The following NRXN3 variants were observed in gnomAD, a reference collection of about 807,000 sequenced individuals.
NRXN3 encodes the protein neurexin 3.
A neutral mutation model predicts 137.6 loss-of-function variants in NRXN3; 32 were observed. That is an observed-to-expected ratio of 0.23 (90% CI 0.18 to 0.31). The LOEUF (loss-of-function observed/expected upper bound fraction) is 0.31. Ranked by LOEUF, NRXN3 falls within the 10% of genes least tolerant of loss-of-function variation. The pLI is 1.00. For missense variants in NRXN3, 1,574 were observed against 2,062.5 expected (o/e 0.76, Z 4.59); for synonymous variants, 798 against 784.5 (o/e 1.02, Z -0.29).
At chr14:79,459,365 C>A (rs1410227310) in intron 15 of NRXN3, among the ~76,000 whole-genome samples, 29 of 151,902 alleles carry the variant, frequency 1.9e-4, no homozygotes, top group Admixed American at 1.9e-3. Flanking sequence ...CTTTATTTTT[C>A]AGTTTCAGAG....
intron 16 of NRXN3, among the ~76,000 whole-genome samples, chr14:79,515,581 G>A (rs537750927): frequency 7.0e-6 from 1 of 141,860 alleles, no homozygotes; most frequent in South Asian, 2.1e-4. Flanking sequence ...TCTTACATGT[G>A]CATACCCCTT....
chr14:79,496,237 TCA>T (rs1285525964), intron 16 of NRXN3, among the ~76,000 whole-genome samples: 359 of 144,790 alleles, frequency 2.5e-3, no homozygotes, highest in South Asian at 7.2e-3. Context: ...TCTCTCTCTC[TCA>T]CACACACACA....
chr14:78,449,313 A>T (rs2094496494), intron 4 of NRXN3, among the ~76,000 whole-genome samples: 1 of 152,204 alleles, frequency 6.6e-6, no homozygotes, highest in Non-Finnish European at 1.5e-5. Context: ...TTCAGGCTCA[A>T]GTAATTCTCA....
At chr14:79,120,874 A>C (rs1289599419) in intron 15 of NRXN3, among the ~76,000 whole-genome samples, 2 of 152,136 alleles carry the variant, frequency 1.3e-5, no homozygotes, top group African/African-American at 4.8e-5. Flanking sequence ...AGTAGGAGAT[A>C]TTTTGCTTTT....
intron 18 of NRXN3, among the ~76,000 whole-genome samples, chr14:79,694,725 C>G (rs1435588511): frequency 6.6e-6 from 1 of 151,726 alleles, no homozygotes; most frequent in African/African-American, 2.4e-5. Context: ...TTCACTAACC[C>G]CTGTTTATCT....
At chr14:79,678,964 CT>C (rs955622811) in intron 17 of NRXN3, among the ~76,000 whole-genome samples, 2 of 151,968 alleles carry the variant, frequency 1.3e-5, no homozygotes, top group African/African-American at 4.8e-5. Flanking sequence ...ACAATATGTA[CT>C]AGTTTAATTT....
chr14:78,433,427 C>T (rs775207425), intron 4 of NRXN3, among the ~76,000 whole-genome samples: 17 of 151,986 alleles, frequency 1.1e-4, no homozygotes, highest in East Asian at 5.8e-4. Flanking sequence ...CTAGGACTGC[C>T]GTAACAAGCT....
chr14:78,708,438 A>T (rs1004865606), intron 6 of NRXN3: 3 of 152,244 alleles, frequency 2.0e-5, no homozygotes, highest in African/African-American at 7.2e-5. Context: ...TGCAAAAAAT[A>T]AAAACAAAAA....
intron 4 of NRXN3, among the ~76,000 whole-genome samples, chr14:78,384,926 A>G (rs2089719715): frequency 6.6e-6 from 1 of 152,222 alleles, no homozygotes; most frequent in Admixed American, 6.5e-5. Flanking sequence ...CATGTAGCTA[A>G]TTAAGAAATT....
intron 15 of NRXN3, among the ~76,000 whole-genome samples, chr14:79,024,246 A>G (rs912678712): frequency 7.2e-5 from 11 of 152,170 alleles, no homozygotes; most frequent in African/African-American, 1.9e-4. Flanking sequence ...CAGGCCATCA[A>G]TGGGAAGCAT....
At chr14:79,395,726 G>A (rs954978647) in intron 15 of NRXN3, among the ~76,000 whole-genome samples, 4 of 151,154 alleles carry the variant, frequency 2.6e-5, no homozygotes, top group African/African-American at 9.7e-5. Flanking sequence ...GGAGAATGGC[G>A]TGAACCCGGG....
intron 15 of NRXN3, chr14:79,281,636 C>G (rs1345813154): frequency 6.6e-6 from 1 of 152,020 alleles, no homozygotes; most frequent in Non-Finnish European, 1.5e-5. Context: ...GTTGATTGAA[C>G]TGTTATAAAG....
chr14:79,441,489 C>G (rs2095952711), intron 15 of NRXN3, among the ~76,000 whole-genome samples: 1 of 148,538 alleles, frequency 6.7e-6, no homozygotes, highest in South Asian at 2.1e-4. Context: ...ACGCCATTCT[C>G]CTGCCTCAGC....
intron 17 of NRXN3, among the ~76,000 whole-genome samples, chr14:79,690,681 C>A (rs1281411995): frequency 1.3e-5 from 2 of 151,974 alleles, no homozygotes. Flanking sequence ...AATGGGGAAC[C>A]TTGTGAACAT....
chr14:79,471,901 G>A (rs1203307779), intron 16 of NRXN3, among the ~76,000 whole-genome samples: 6 of 152,078 alleles, frequency 3.9e-5, no homozygotes, highest in Admixed American at 3.3e-4. Context: ...AGGTAAACTC[G>A]TGTCATGGGG....
At chr14:79,028,639 A>T (rs573892690) in intron 15 of NRXN3, among the ~76,000 whole-genome samples, 1 of 152,282 alleles carries the variant, frequency 6.6e-6, no homozygotes, top group South Asian at 2.1e-4. Context: ...GAAATGACAG[A>T]TGAGAGAGAA....
intron 20 of NRXN3, among the ~76,000 whole-genome samples, chr14:79,837,027 G>T (rs1203019733): frequency 1.3e-5 from 2 of 152,056 alleles, no homozygotes; most frequent in Non-Finnish European, 2.9e-5. Context: ...CATTATTCCA[G>T]GATCTTGTCA....
At chr14:79,426,301 T>C (rs919560658) in intron 15 of NRXN3, among the ~76,000 whole-genome samples, 1 of 152,160 alleles carries the variant, frequency 6.6e-6, no homozygotes, top group Non-Finnish European at 1.5e-5. Context: ...TCTCCACTGA[T>C]GGAAGGCTTT....
intron 15 of NRXN3, among the ~76,000 whole-genome samples, chr14:79,362,294 C>T (rs1159963971): frequency 6.6e-6 from 1 of 150,906 alleles, no homozygotes; most frequent in Admixed American, 6.6e-5. Flanking sequence ...TGCTATCCCT[C>T]CCCTCTCCCC....
Sources: allele counts gnomAD v4.1 joint callset (sites outside exome capture counted in the v4.1 genomes callset), GRCh38; gene constraint gnomAD v4.1.1; transcripts MANE v1.5; gene names NCBI Gene and HGNC (gene_info 2026-07-23, HGNC 2026-07-21).